The following IGFBP2 variants were observed in gnomAD, a reference collection of about 807,000 sequenced individuals.
IGFBP2 encodes insulin like growth factor binding protein 2.
In IGFBP2, 12 loss-of-function variants were observed where a neutral mutation model predicts 26.2. That is an observed-to-expected ratio of 0.46 (90% CI 0.29 to 0.74). The LOEUF (loss-of-function observed/expected upper bound fraction) is 0.74, where lower values mean the gene tolerates loss of function less well. Ranked by LOEUF, IGFBP2 falls within the 30% of genes least tolerant of loss-of-function variation. The pLI, the probability that IGFBP2 is intolerant of heterozygous loss-of-function variation, is 0.09. For synonymous variants in IGFBP2, 189 were observed against 200.6 expected (o/e 0.94, Z 0.49); for missense variants, 328 against 441.2 (o/e 0.74, Z 2.30).
intron 2 of IGFBP2, chr2:216,661,017 C>G (rs1439279776): frequency 1.8e-6 from 1 of 564,662 alleles, no homozygotes; most frequent in East Asian, 3.0e-5. Context: ...CTTCTAAAAC[C>G]TTCACATTTC....
intron 1 of IGFBP2, among the ~76,000 whole-genome samples, chr2:216,654,133 G>T (rs573720639): frequency 1.3e-5 from 2 of 152,272 alleles, no homozygotes; most frequent in East Asian, 3.9e-4. Flanking sequence ...TCTCTAGCTG[G>T]AGTTCGACAT....
Position 216,660,576 on chromosome 2 carries a change from A to C in IGFBP2, c.462A>C (p.Ser154=), listed in dbSNP as rs755387021. Residue 154 remains serine (S), a synonymous_variant, in exon 2 of 4, where the codon TCA becomes TCC. Transcript: ENST00000233809. ...TGGCAGACAATGGCGATGACCACTC[A>C]GAAGGAGGCCTGGTGGAGAACCACG... ...EQVADNGDDH[S]EGGLVENHVD... is the part of the protein sequence containing the mutation. 8 of 1,609,762 alleles carry C rather than the reference A, an allele frequency of 5.0e-6. No individual in the cohort carries two copies. The Admixed American group carries it at 1.3e-4, about 27-fold the overall frequency.
chr2:216,663,913 C>T (rs1688705316), intron 3 of IGFBP2, 27 bp from the exon 4 acceptor site: 1 of 1,605,668 alleles, frequency 6.2e-7, no homozygotes, highest in Admixed American at 1.7e-5. Flanking sequence ...CTGCGGGCTC[C>T]TCCATGCTCT....
Position 216,657,122 on chromosome 2 carries a change from T to C in IGFBP2, c.443-3435T>C, listed in dbSNP as rs865791443. On this transcript the variant is annotated intron_variant, in intron 1 of 3. Coordinates refer to ENST00000233809, the MANE Select transcript of IGFBP2 (RefSeq NM_000597.3). ...CAAAGGGCTCTTCTCTATGTTCCAA[T>C]GCAGGTGGTGGGAGTGGGGAGACTT... 1.2e-4 allele frequency among the ~76,000 whole-genome samples: 19 copies of C among 152,138 alleles called. 1 individual carries two copies. The highest frequency in any genetic ancestry group is 6.3e-3 in the Middle Eastern group (2 of 316).
intron 1 of IGFBP2, among the ~76,000 whole-genome samples, chr2:216,646,946 G>A (rs1430086894): frequency 1.3e-5 from 2 of 152,182 alleles, no homozygotes; most frequent in East Asian, 3.8e-4. Context: ...TGTCAGCTAG[G>A]AGACCATATG....
rs1559172800 is a variant in IGFBP2 at position 216,633,567 on chromosome 2, C to CTGCCGCTGCT, written c.44_45insTGCCGCTGCT (p.Pro16AlafsTer120). ...TGCCCCGCGCTGCCGCTGCCGCCGCCGCCGCTGCTGCCGCTGCTGCTGCTG... is the reference window on the plus strand; with the variant it reads ...TGCCCCGCGCTGCCGCTGCCGCCGCCTGCCGCTGCTGCCGCTGCTGCCGCTGCTGCTGCTG... On this transcript the variant is annotated frameshift_variant, in exon 1 of 4. Transcript: ENST00000233809. LOFTEE classifies it high-confidence loss of function. 1.0e-6 allele frequency: 1 copy of CTGCCGCTGCT among 967,722 alleles called. No homozygotes were observed. Among genetic ancestry groups the CTGCCGCTGCT allele is most frequent in the African/African-American group, 1.8e-5 (1 of 56,078 alleles). 59.9% of individuals were successfully genotyped at this position (967,722 alleles called of 1,614,324 possible). A position where few individuals can be genotyped will look rare whatever the true frequency, so the allele number is the denominator to read the frequency against.
At chr2:216,644,323 G>C (rs1256107057) in intron 1 of IGFBP2, among the ~76,000 whole-genome samples, 2 of 152,170 alleles carry the variant, frequency 1.3e-5, no homozygotes, top group Non-Finnish European at 2.9e-5. Flanking sequence ...CAGCTGCTGG[G>C]CAGTGGAATT....
In IGFBP2 at chr2:216,659,704, T is replaced by C. The variant is rs556310619; in HGVS notation, c.443-853T>C. 91 of 1,535,064 alleles carry C rather than the reference T, an allele frequency of 5.9e-5. No individual in the cohort carries two copies. In the African/African-American group the frequency reaches 1.1e-3, roughly 18 times the overall value. ...TTGAAGAAAGTATAAGGAGACTTAA[T>C]GGACGCTTGTTGGACAGACATCACG... is the stretch of plus-strand genomic sequence containing the variant. On this transcript the variant is annotated intron_variant, in intron 1 of 3. Coordinates refer to ENST00000233809, the MANE Select transcript of IGFBP2 (RefSeq NM_000597.3).
At chr2:216,637,802 ATAGT>A (rs1425036219) in intron 1 of IGFBP2, among the ~76,000 whole-genome samples, 1 of 152,206 alleles carries the variant, frequency 6.6e-6, no homozygotes, top group Non-Finnish European at 1.5e-5. Flanking sequence ...GGAGGCTTAG[ATAGT>A]TCTCACTGTT....
chr2:216,638,907 A>G (rs890779549), intron 1 of IGFBP2, among the ~76,000 whole-genome samples: 1 of 150,922 alleles, frequency 6.6e-6, no homozygotes, highest in Admixed American at 6.6e-5. Context: ...TCACAGTGTT[A>G]GCCAGGATGG....
At chr2:216,659,191 G>A (rs1196086591) in intron 1 of IGFBP2, among the ~76,000 whole-genome samples, 1 of 152,188 alleles carries the variant, frequency 6.6e-6, no homozygotes, top group African/African-American at 2.4e-5. Flanking sequence ...TGCTGGGCAC[G>A]CCTTGACAGC....
intron 1 of IGFBP2, among the ~76,000 whole-genome samples, chr2:216,648,669 C>T (rs531417089): frequency 1.6e-4 from 25 of 152,180 alleles, no homozygotes; most frequent in African/African-American, 6.0e-4. Context: ...GAGTCAGTGG[C>T]GCGATCTTGG....
chr2:216,654,872 C>T (rs1334700958), intron 1 of IGFBP2, among the ~76,000 whole-genome samples: 5 of 152,116 alleles, frequency 3.3e-5, no homozygotes, highest in Non-Finnish European at 5.9e-5. Context: ...ACCTTCACCT[C>T]AGAGAGTTTG....
intron 1 of IGFBP2, among the ~76,000 whole-genome samples, chr2:216,648,933 A>G (rs1207169645): frequency 6.6e-6 from 1 of 152,186 alleles, no homozygotes; most frequent in Non-Finnish European, 1.5e-5. Flanking sequence ...TTAAAAGAAT[A>G]TTTAAAAAAT....
At chr2:216,662,153 C>T (rs1203960431) in intron 3 of IGFBP2, 155 bp downstream of exon 3, 11 of 854,428 alleles carry the variant, frequency 1.3e-5, no homozygotes, top group Non-Finnish European at 2.0e-5. Context: ...ATGCCAGCTG[C>T]CAGGCCGGGG....
chr2:216,659,610 C>T, intron 1 of IGFBP2: 2 of 864,510 alleles, frequency 2.3e-6, no homozygotes, highest in East Asian at 2.7e-5. Flanking sequence ...GTGCCTCAGC[C>T]AGAGTGAGAC....
chr2:216,642,378 C>T (rs1167916138), intron 1 of IGFBP2, among the ~76,000 whole-genome samples: 2 of 147,356 alleles, frequency 1.4e-5, no homozygotes, highest in Admixed American at 6.8e-5. Context: ...GCGATCTCGG[C>T]TCACTGCAAG....
At position 216,633,477 on chromosome 2, in the gene IGFBP2, C is replaced by T. The variant is rs1358670193; in HGVS notation, c.-47C>T. 8.3e-6 allele frequency: 4 copies of T among 479,582 alleles called. No homozygotes were observed. The highest frequency in any genetic ancestry group is 1.1e-5 in the Non-Finnish European group (4 of 364,958). The allele number at this position is 479,582 out of a possible 1,614,324, so 29.7% of individuals were successfully genotyped here. ...CGCAGGGCCGTGCCACCTGCCCGCC[C>T]GCCCGCTCGCTCGCTCGCCCGCCGC... is the stretch of plus-strand genomic sequence containing the variant. On this transcript the variant is annotated 5_prime_UTR_variant, in exon 1 of 4. Transcript: ENST00000233809.
chr2:216,640,588 C>T (rs1250419315), intron 1 of IGFBP2, among the ~76,000 whole-genome samples: 2 of 152,132 alleles, frequency 1.3e-5, no homozygotes, highest in South Asian at 2.1e-4. Context: ...CACCTCCCTG[C>T]GAGGGAGGCC....
Sources: gnomAD v4.1 joint callset for allele counts (sites outside exome capture counted in the v4.1 genomes callset) on GRCh38, gnomAD v4.1.1 for gene constraint, MANE v1.5 for transcripts, NCBI Gene and HGNC (gene_info 2026-07-23, HGNC 2026-07-21) for gene names.